The following HSPA12A variants were observed in gnomAD, a reference collection of about 807,000 sequenced individuals.
HSPA12A encodes the protein heat shock 70 kDa protein 12A.
HSPA12A carries 28 observed loss-of-function variants against 69.2 expected under a neutral mutation model. The observed-to-expected ratio is 0.40, with a 90% CI of 0.30 to 0.55. The LOEUF (loss-of-function observed/expected upper bound fraction) is 0.55. Ranked by LOEUF, HSPA12A falls within the 20% of genes least tolerant of loss-of-function variation. The pLI, the probability that HSPA12A is intolerant of heterozygous loss-of-function variation, is 0.38. For synonymous variants in HSPA12A, 345 were observed against 370.5 expected (o/e 0.93, Z 0.79); for missense variants, 686 against 900.7 (o/e 0.76, Z 3.05).
intron 2 of HSPA12A, among the ~76,000 whole-genome samples, chr10:116,766,886 T>A (rs1030376893): frequency 6.6e-6 from 1 of 152,290 alleles, no homozygotes; most frequent in African/African-American, 2.4e-5. Flanking sequence ...CTGGCACCCG[T>A]AGGGCCCCCA....
chr10:116,728,104 G>A (rs7918816), intron 1 of HSPA12A, among the ~76,000 whole-genome samples: 3,642 of 150,438 alleles, frequency 0.024, 154 homozygotes, highest in African/African-American at 0.084. Context: ...CACCGCGCTT[G>A]GCCAATTTTT....
intron 2 of HSPA12A, among the ~76,000 whole-genome samples, chr10:116,801,062 T>A (rs767332025): frequency 6.6e-6 from 1 of 152,238 alleles, no homozygotes; most frequent in Non-Finnish European, 1.5e-5. Context: ...ATAAATGAGC[T>A]ATGTGTTAAA....
chr10:116,673,082 GC>G lies in HSPA12A; in HGVS notation c.*1698del, dbSNP rs1337202069. 1 of 152,638 alleles carries G rather than the reference GC, an allele frequency of 6.6e-6. No individual in the cohort carries two copies. Among genetic ancestry groups the G allele is most frequent in the Non-Finnish European group, 1.5e-5 (1 of 68,046 alleles). The allele number at this position is 152,638 out of a possible 1,614,324, so 9.5% of individuals were successfully genotyped here. On this transcript the variant is annotated 3_prime_UTR_variant, in exon 12 of 12. Coordinates refer to ENST00000369209, the MANE Select transcript of HSPA12A (RefSeq NM_025015.3). ...AGTTCACTCATTCTCCATTCATTAT[GC>G]ATGCCTCCAGTGATTTAATGAATTT... is the stretch of plus-strand genomic sequence containing the variant.
At chr10:116,744,044 A>G (rs1638414), upstream of HSPA12A, among the ~76,000 whole-genome samples, 151,270 of 152,312 alleles carry the variant, frequency 0.99, 75,136 homozygotes, top group Middle Eastern at 1. Flanking sequence ...CTTCCTGCCT[A>G]CGTGCCTGCG....
intron 2 of HSPA12A, among the ~76,000 whole-genome samples, chr10:116,761,623 C>G (rs559313884): frequency 2.0e-5 from 3 of 151,856 alleles, no homozygotes; most frequent in Admixed American, 6.6e-5. Flanking sequence ...TAGTGCACGT[C>G]TGGCTGGAGG....
upstream of HSPA12A, chr10:116,849,746 C>G (rs544617643): frequency 2.9e-5 from 43 of 1,497,358 alleles, no homozygotes; most frequent in African/African-American, 4.2e-4. Context: ...GGACCTGGGA[C>G]AAGCGCTCTC....
chr10:116,799,106 G>C (rs17095274), intron 2 of HSPA12A, among the ~76,000 whole-genome samples: 4,076 of 152,148 alleles, frequency 0.027, 194 homozygotes, highest in African/African-American at 0.092. Context: ...TGTCACTGAC[G>C]GAGGATTAAA....
intron 10 of HSPA12A, among the ~76,000 whole-genome samples, chr10:116,678,606 CAA>C (rs1849312400): frequency 1.6e-5 from 2 of 127,824 alleles, no homozygotes; most frequent in South Asian, 5.1e-4. Flanking sequence ...AAAAAAAAGA[CAA>C]ATGGAAAAAT....
At chr10:116,684,975 G>C (rs1261481507) in intron 6 of HSPA12A, among the ~76,000 whole-genome samples, 1 of 152,184 alleles carries the variant, frequency 6.6e-6, no homozygotes, top group African/African-American at 2.4e-5. Context: ...TCATGGCCTT[G>C]AGCTGCAGCG....
chr10:116,748,715 GGGAAC>G (rs1554888025), intron 2 of HSPA12A, among the ~76,000 whole-genome samples: 28 of 152,160 alleles, frequency 1.8e-4, no homozygotes, highest in African/African-American at 6.8e-4. Context: ...GCTTGTGCAA[GGGAAC>G]TCCTCTTTAT....
chr10:116,747,049 T>A (rs1293486621), upstream of HSPA12A, among the ~76,000 whole-genome samples: 1 of 152,244 alleles, frequency 6.6e-6, no homozygotes, highest in African/African-American at 2.4e-5. Flanking sequence ...GTCAGCCGCC[T>A]TGACCTCCAA....
intron 1 of HSPA12A, among the ~76,000 whole-genome samples, chr10:116,846,468 G>A (rs566063176): frequency 6.6e-6 from 1 of 151,906 alleles, no homozygotes; most frequent in East Asian, 1.9e-4. Context: ...TCCTGCCTCA[G>A]CCTCCCGAGT....
At chr10:116,726,917 G>GC (rs1268009039) in intron 1 of HSPA12A, among the ~76,000 whole-genome samples, 3 of 152,140 alleles carry the variant, frequency 2.0e-5, no homozygotes, top group Non-Finnish European at 2.9e-5. Context: ...ACCCCAGACT[G>GC]CACAGCAACA....
intron 2 of HSPA12A, among the ~76,000 whole-genome samples, chr10:116,769,101 C>T (rs1332214949): frequency 1.3e-5 from 2 of 152,188 alleles, no homozygotes; most frequent in Non-Finnish European, 2.9e-5. Context: ...CCATTCAATA[C>T]CTCTGTCCTT....
chr10:116,834,273 C>T (rs1564835249), intron 2 of HSPA12A, among the ~76,000 whole-genome samples: 2 of 152,220 alleles, frequency 1.3e-5, no homozygotes, highest in Non-Finnish European at 2.9e-5. Flanking sequence ...TACAACTGAC[C>T]TGCCAGGACC....
chr10:116,808,841 G>A (rs1637556), intron 2 of HSPA12A, among the ~76,000 whole-genome samples: 48,477 of 151,964 alleles, frequency 0.32, 9,254 homozygotes, highest in Middle Eastern at 0.45. Context: ...AGAGGGCCCC[G>A]CACCGCCGTT....
At chr10:116,689,601 G>GCATA (rs1849675323) in intron 6 of HSPA12A, among the ~76,000 whole-genome samples, 1 of 144,144 alleles carries the variant, frequency 6.9e-6, no homozygotes, top group Non-Finnish European at 1.5e-5. Context: ...AAGCAGTAGG[G>GCATA]CATACAGACA....
intron 1 of HSPA12A, among the ~76,000 whole-genome samples, chr10:116,736,003 AT>A (rs1554886401): frequency 6.6e-6 from 1 of 152,160 alleles, no homozygotes; most frequent in Non-Finnish European, 1.5e-5. Flanking sequence ...CTTAAAATAA[AT>A]TTTTTTAAAA....
intron 2 of HSPA12A, among the ~76,000 whole-genome samples, chr10:116,792,613 C>CAAAA (rs56344323): frequency 5.6e-5 from 6 of 107,984 alleles, no homozygotes; most frequent in African/African-American, 2.3e-4. Context: ...CTTGCATCTA[C>CAAAA]AAAAAAAAAA....
Sources: gnomAD v4.1 joint callset for allele counts (sites outside exome capture counted in the v4.1 genomes callset) on GRCh38, gnomAD v4.1.1 for gene constraint, MANE v1.5 for transcripts, NCBI Gene and HGNC (gene_info 2026-07-23, HGNC 2026-07-21) for gene names.